DUOX1: variants seen among roughly 807,000 people sequenced by gnomAD.
The protein encoded by DUOX1 is dual oxidase 1, also known as NADPH thyroid oxidase 1.
DUOX1 carries 134 observed loss-of-function variants against 181.8 expected under a neutral mutation model. That is an observed-to-expected ratio of 0.74 (90% confidence interval 0.64 to 0.85). DUOX1 has a LOEUF of 0.85. Among genes scored for constraint, DUOX1 ranks in the 40% least tolerant of loss-of-function variants. The pLI, the probability that DUOX1 is intolerant of heterozygous loss-of-function variation, is 0.00. For missense variants in DUOX1, 1,814 were observed against 2,064.4 expected, an observed-to-expected ratio of 0.88 and a Z score of 2.35; for synonymous variants, 798 against 832.5, an observed-to-expected ratio of 0.96 and a Z score of 0.71.
chr15:45,159,752 C>T (rs1897051161), intron 28 of DUOX1, among the ~76,000 whole-genome samples: 1 of 152,162 alleles, frequency 6.6e-6, no homozygotes, highest in African/African-American at 2.4e-5. Context: ...TTACTGTGTG[C>T]CTATCATATG....
Position 45,136,539 on chromosome 15 carries a change from A to C in DUOX1, c.936A>C (p.Pro312=). The C allele has an allele frequency of 6.2e-7, 1 of 1,614,084 alleles. No homozygotes were observed. Among genetic ancestry groups the C allele is most frequent in the South Asian group, 1.1e-5 (1 of 91,088 alleles). The change falls in exon 9 of 34, where the codon CCA becomes CCC. Residue 312 remains proline, a synonymous_variant. Transcript: ENST00000389037. ...CTCCTATTTCCCCAGGATACCGGCC[A>C]TTTCTGGACCCCAGCATCTCCTCAG... ...KTLPEYTGYR[P]FLDPSISSEF...
chr15:45,146,265 A>G (rs191924407), intron 18 of DUOX1, among the ~76,000 whole-genome samples: 3 of 152,332 alleles, frequency 2.0e-5, no homozygotes, highest in Admixed American at 2.0e-4. Context: ...TTCATGAGAG[A>G]AGCATCCATT....
chr15:45,130,735 A>G lies in DUOX1; in HGVS notation c.-50+637A>G, dbSNP rs553733488. Among the ~76,000 whole-genome samples the G allele has an allele frequency of 9.8e-5, 15 of 152,326 alleles. No individual in the cohort carries two copies. The South Asian group carries it at 3.1e-3, about 32-fold the overall frequency. Reference sequence around the variant, plus strand: ...CTTCCTCTTCAGGTCATCCCCACACAGCCTGGTCTGAAAGCCCATTTCATG... The same window carrying G: ...CTTCCTCTTCAGGTCATCCCCACACGGCCTGGTCTGAAAGCCCATTTCATG... On this transcript the variant is annotated intron_variant, in intron 1 of 33. Coordinates refer to ENST00000389037, the MANE Select transcript of DUOX1 (RefSeq NM_175940.3).
chr15:45,136,033 T>C, intron 7 of DUOX1, 85 bp downstream of exon 7: 1 of 1,374,818 alleles, frequency 7.3e-7, no homozygotes, highest in Non-Finnish European at 9.9e-7. Context: ...TCCCCATCTG[T>C]GGACAACCGC....
chr15:45,153,152 C>G, intron 25 of DUOX1: 1 of 441,134 alleles, frequency 2.3e-6, no homozygotes, highest in Non-Finnish European at 4.0e-6. Flanking sequence ...ACCTGGGAGG[C>G]AGAGGTTGCA....
Position 45,164,760 on chromosome 15 carries a change from C to A in DUOX1, c.4534-19C>A, listed in dbSNP as rs751112831. Reference sequence around the variant, plus strand: ...CCTCTGAGCAAAGAGTTAGCCTCCACTTATTCCTCCTGCAACAGGTCCGGA... The same window carrying A: ...CCTCTGAGCAAAGAGTTAGCCTCCAATTATTCCTCCTGCAACAGGTCCGGA... On this transcript the variant is annotated intron_variant, in intron 33 of 33. Coordinates refer to ENST00000389037, the MANE Select transcript of DUOX1 (RefSeq NM_175940.3). 5.6e-6 allele frequency: 9 copies of A among 1,614,168 alleles called. No individual in the cohort carries two copies. The highest frequency in any genetic ancestry group is 6.8e-6 in the Non-Finnish European group (8 of 1,179,992).
intron 9 of DUOX1, among the ~76,000 whole-genome samples, chr15:45,137,488 A>T (rs960796928): frequency 6.6e-6 from 1 of 152,050 alleles, no homozygotes. Context: ...TTCATAGATT[A>T]GATTTACTCT....
intron 1 of DUOX1, 156 bp from the exon 2 acceptor site, chr15:45,131,762 T>C: frequency 3.3e-6 from 2 of 603,394 alleles, no homozygotes; most frequent in South Asian, 2.0e-5. Flanking sequence ...ATTTGCCGAA[T>C]CAATTAAAGA....
In DUOX1 at chr15:45,140,888, G is replaced by T; in HGVS notation, c.1390-7G>T. 1 of 1,612,552 alleles carries T rather than the reference G, an allele frequency of 6.2e-7. No homozygotes were observed. Among genetic ancestry groups the T allele is most frequent in the Non-Finnish European group, 8.5e-7 (1 of 1,178,930 alleles). On this transcript the variant is annotated splice_region_variant and splice_polypyrimidine_tract_variant and intron_variant, in intron 12 of 33. Coordinates refer to ENST00000389037, the MANE Select transcript of DUOX1 (RefSeq NM_175940.3). ...TTTCTCTTACTTCTGCCCCTTCTTGGTTCCAGGTACTGGAGGCCACAGCTG... is the reference window on the plus strand; with the variant it reads ...TTTCTCTTACTTCTGCCCCTTCTTGTTTCCAGGTACTGGAGGCCACAGCTG...
chr15:45,139,022 C>A (rs1195156174), intron 10 of DUOX1, 44 bp from the exon 11 acceptor site: 17 of 1,565,086 alleles, frequency 1.1e-5, no homozygotes, highest in Non-Finnish European at 1.2e-5. Context: ...AACCTCTGAC[C>A]CCATTAACCA....
intron 7 of DUOX1, 96 bp from the exon 8 acceptor site, chr15:45,136,254 T>C: frequency 6.3e-7 from 1 of 1,579,074 alleles, no homozygotes. Context: ...CCCTGGCTGG[T>C]CCTCATCTCC....
At chr15:45,164,010 C>G (rs1897169452) in intron 33 of DUOX1, 92 bp downstream of exon 33, 3 of 1,535,326 alleles carry the variant, frequency 2.0e-6, no homozygotes, top group Admixed American at 3.7e-5. Flanking sequence ...AAGAAATCGA[C>G]TGCTGATGAG....
intron 15 of DUOX1, 83 bp downstream of exon 15, chr15:45,142,195 C>A: frequency 6.9e-7 from 1 of 1,440,350 alleles, no homozygotes; most frequent in Non-Finnish European, 9.6e-7. Flanking sequence ...TGACAACAAA[C>A]CACGCAAACC....
chr15:45,138,940 G>C (rs950007744), intron 10 of DUOX1, 126 bp from the exon 11 acceptor site: 1 of 835,548 alleles, frequency 1.2e-6, no homozygotes, highest in African/African-American at 1.7e-5. Context: ...ATGTCCCACC[G>C]GTTTGGGAGC....
chr15:45,137,086 G>A (rs528518137), intron 9 of DUOX1, among the ~76,000 whole-genome samples: 2 of 151,120 alleles, frequency 1.3e-5, no homozygotes, highest in Non-Finnish European at 2.9e-5. Context: ...AGTGGCTCAC[G>A]CCTGTAACCC....
Position 45,152,735 on chromosome 15 carries a change from A to T in DUOX1, c.3424+219A>T. On this transcript the variant is annotated intron_variant, in intron 25 of 33. Transcript: ENST00000389037. ...CTTTCCAGGGCGCCTCACCAGCCTC[A>T]GCTGACAAGTTACTAACACCCCAGA... 5.0e-6 allele frequency: 3 copies of T among 601,030 alleles called. No homozygotes were observed. The South Asian group carries it at 5.9e-5, about 12-fold the overall frequency. The allele number at this position is 601,030 out of a possible 1,614,324, so 37.2% of individuals were successfully genotyped here.
chr15:45,151,080 G>C, intron 22 of DUOX1, 43 bp from the exon 23 acceptor site: 2 of 1,610,008 alleles, frequency 1.2e-6, no homozygotes, highest in Non-Finnish European at 1.7e-6. Context: ...GGAACGAGTG[G>C]TTGAGATGGC....
At position 45,151,264 on chromosome 15, in the gene DUOX1, C is replaced by T. The variant is rs1417940024; in HGVS notation, c.3014+16C>T. On this transcript the variant is annotated intron_variant, in intron 23 of 33. Coordinates refer to ENST00000389037, the MANE Select transcript of DUOX1 (RefSeq NM_175940.3). ...TTGGCAAGAAGTATGTCTGCTCTTC[C>T]CCTTAAGCCCAGGCAGTTCATCCAT... 1 of 1,611,484 alleles carries T rather than the reference C, an allele frequency of 6.2e-7. No homozygotes were observed. The highest frequency in any genetic ancestry group is 2.2e-5 in the East Asian group (1 of 44,822).
At chr15:45,164,150 G>A (rs1897172779) in intron 33 of DUOX1, among the ~76,000 whole-genome samples, 2 of 152,166 alleles carry the variant, frequency 1.3e-5, no homozygotes, top group South Asian at 4.1e-4. Flanking sequence ...TTGTCCAGAA[G>A]GAAGAGCTCA....
Sources: allele counts gnomAD v4.1 joint callset (sites outside exome capture counted in the v4.1 genomes callset), GRCh38; gene constraint gnomAD v4.1.1; transcripts MANE v1.5; gene names NCBI Gene and HGNC (gene_info 2026-07-23, HGNC 2026-07-21).